IKZF2: variants seen among roughly 807,000 people sequenced by gnomAD.
The protein encoded by IKZF2 is zinc finger protein Helios.
Under a neutral mutation model 49.2 loss-of-function variants are expected in IKZF2, and 15 were observed. The ratio of observed to expected loss-of-function variants is 0.30; its 90% CI spans 0.20 to 0.47. The LOEUF (loss-of-function observed/expected upper bound fraction) is 0.47. Among genes scored for constraint, IKZF2 ranks in the 20% least tolerant of loss-of-function variants. The pLI is 1.00. For missense variants in IKZF2, 567 were observed against 664.6 expected (o/e 0.85, Z 1.61); for synonymous variants, 227 against 221.4 (o/e 1.03, Z -0.23).
At chr2:213,070,060 ATG>A (rs1332224184) in intron 4 of IKZF2, among the ~76,000 whole-genome samples, 2 of 152,076 alleles carry the variant, frequency 1.3e-5, no homozygotes, top group African/African-American at 4.8e-5. Context: ...TTATATTCAA[ATG>A]TCTGGTTTGA....
chr2:213,108,418 G>A (rs552836294), intron 4 of IKZF2, among the ~76,000 whole-genome samples: 2 of 152,112 alleles, frequency 1.3e-5, no homozygotes, highest in African/African-American at 4.8e-5. Context: ...AAAGACAGAG[G>A]GGCCAGCTTC....
chr2:213,081,638 G>A (rs1015840720), intron 4 of IKZF2, among the ~76,000 whole-genome samples: 3 of 152,136 alleles, frequency 2.0e-5, no homozygotes, highest in African/African-American at 4.8e-5. Context: ...CACTTGGTGG[G>A]AAGATATCCC....
intron 8 of IKZF2, among the ~76,000 whole-genome samples, chr2:213,013,529 T>C (rs558978724): frequency 1.1e-3 from 161 of 152,144 alleles, no homozygotes; most frequent in Non-Finnish European, 2.0e-3. Context: ...ATATTTTCTA[T>C]TTTACATGTT....
chr2:213,076,550 C>A (rs1703284686), intron 4 of IKZF2, among the ~76,000 whole-genome samples: 1 of 152,014 alleles, frequency 6.6e-6, no homozygotes, highest in Non-Finnish European at 1.5e-5. Flanking sequence ...CTTTTTAACT[C>A]CAAACGTAAA....
At chr2:213,105,166 T>C (rs1004416586) in intron 4 of IKZF2, among the ~76,000 whole-genome samples, 4 of 152,062 alleles carry the variant, frequency 2.6e-5, no homozygotes, top group African/African-American at 7.2e-5. Flanking sequence ...CCCTGAAATG[T>C]CCAATTTATT....
At chr2:213,045,614 C>A (rs986738498) in intron 6 of IKZF2, among the ~76,000 whole-genome samples, 20 of 152,088 alleles carry the variant, frequency 1.3e-4, no homozygotes, top group African/African-American at 4.6e-4. Flanking sequence ...CCTGAGATGC[C>A]TCAGTAAGAG....
chr2:213,007,452 C>A lies in IKZF2; in HGVS notation c.1489G>T (p.Asp497Tyr). 6.2e-7 allele frequency: 1 copy of A among 1,613,538 alleles called. No individual in the cohort carries two copies. The highest frequency in any genetic ancestry group is 8.5e-7 in the Non-Finnish European group (1 of 1,179,646). ...CCACAGATGTTGCATTCCAGTGGGT[C>A]CCGGTAGCCATGGCAACCCATGTGA... ...TIHMGCHGYR[D>Y]PLECNICGYR... The change falls in exon 9 of 9, where the codon GAC (aspartate) becomes TAC (tyrosine). Residue 497 changes from aspartate (D) to tyrosine (Y), a missense_variant. Asp to Tyr is a radical substitution (Grantham distance 160). Around this residue, in one of 5 missense-constraint regions of IKZF2, gnomAD observed 22 missense variants for 52.3 expected, o/e 0.42. Transcript: ENST00000434687.
At chr2:213,030,006 C>T (rs1323826069) in intron 6 of IKZF2, among the ~76,000 whole-genome samples, 1 of 152,010 alleles carries the variant, frequency 6.6e-6, no homozygotes, top group Non-Finnish European at 1.5e-5. Context: ...CTATTTCATG[C>T]CTTCACCTAT....
Position 213,125,424 on chromosome 2 carries a change from G to A in IKZF2, c.139+22284C>T, listed in dbSNP as rs115064151. Among the ~76,000 whole-genome samples the A allele has an allele frequency of 8.7e-3, 1,322 of 152,172 alleles. 24 individuals are homozygous for A. Among genetic ancestry groups the A allele is most frequent in the African/African-American group, 0.03 (1,257 of 41,528 alleles). On this transcript the variant is annotated intron_variant, in intron 4 of 8. Coordinates refer to ENST00000434687, the MANE Select transcript of IKZF2 (RefSeq NM_001387220.1). ...CATTTGAAATTATGTTTAAAAAACC[G>A]TAATTAAGAAATGTCAAACATACGT...
intron 6 of IKZF2, among the ~76,000 whole-genome samples, chr2:213,033,677 A>C (rs1349213744): frequency 1.4e-5 from 2 of 138,966 alleles, no homozygotes; most frequent in African/African-American, 2.6e-5. Flanking sequence ...CTTATTCACT[A>C]AACCATATTG....
chr2:213,065,800 C>A (rs1204393815), intron 4 of IKZF2, among the ~76,000 whole-genome samples: 1 of 151,796 alleles, frequency 6.6e-6, no homozygotes, highest in East Asian at 1.9e-4. Context: ...CCTATGATGC[C>A]AAAAGCAAAG....
chr2:213,138,563 C>A (rs2060757410), intron 4 of IKZF2, among the ~76,000 whole-genome samples: 1 of 151,946 alleles, frequency 6.6e-6, no homozygotes, highest in Admixed American at 6.6e-5. Context: ...CTTCATTCAA[C>A]AAATATTTAC....
At chr2:213,031,179 A>G (rs1256124039) in intron 6 of IKZF2, among the ~76,000 whole-genome samples, 1 of 152,176 alleles carries the variant, frequency 6.6e-6, no homozygotes, top group Non-Finnish European at 1.5e-5. Context: ...TTGAGCAAAG[A>G]CATCTAGTTC....
intron 6 of IKZF2, among the ~76,000 whole-genome samples, chr2:213,037,396 T>C (rs752996361): frequency 2.0e-5 from 3 of 152,176 alleles, no homozygotes; most frequent in Non-Finnish European, 4.4e-5. Flanking sequence ...AAAGATGTGA[T>C]TGTATATGCT....
chr2:213,069,760 C>T (rs993217373), intron 4 of IKZF2, among the ~76,000 whole-genome samples: 5 of 152,070 alleles, frequency 3.3e-5, no homozygotes, highest in African/African-American at 1.2e-4. Context: ...AGTATAGCAA[C>T]ACCTCCTGGG....
intron 8 of IKZF2, 83 bp downstream of exon 8, chr2:213,013,708 C>CAT (rs1473302712): frequency 1.5e-5 from 19 of 1,240,620 alleles, no homozygotes; most frequent in Non-Finnish European, 2.0e-5. Flanking sequence ...TGAAACACAC[C>CAT]ATATATATTT....
In IKZF2 at chr2:213,005,193, G is replaced by T. The variant is rs1030591850; in HGVS notation, c.*2167C>A. 3.0e-5 allele frequency: 4 copies of T among 135,190 alleles called. No individual in the cohort carries two copies. The highest frequency in any genetic ancestry group is 1.0e-4 in the African/African-American group (4 of 38,148). 8.4% of individuals were successfully genotyped at this position (135,190 alleles called of 1,614,324 possible). ...ATTATTATTTGGGAGTGGTTGGGTGGGGGGGGGTGAGCGAGTCTCAAAAAC... is the reference window on the plus strand; with the variant it reads ...ATTATTATTTGGGAGTGGTTGGGTGTGGGGGGGTGAGCGAGTCTCAAAAAC... On this transcript the variant is annotated 3_prime_UTR_variant, in exon 9 of 9. Transcript: ENST00000434687.
chr2:213,009,611 T>C (rs1286034372), intron 8 of IKZF2, among the ~76,000 whole-genome samples: 2 of 152,124 alleles, frequency 1.3e-5, no homozygotes, highest in Non-Finnish European at 2.9e-5. Context: ...CAACTTAAGA[T>C]ATATGCAATG....
At chr2:213,150,562 C>A (rs2061249490) in intron 1 of IKZF2, among the ~76,000 whole-genome samples, 1 of 151,312 alleles carries the variant, frequency 6.6e-6, no homozygotes, top group African/African-American at 2.4e-5. Flanking sequence ...AATGGCACCA[C>A]GTACTTTCAG....
Sources: allele counts gnomAD v4.1 joint callset (sites outside exome capture counted in the v4.1 genomes callset), GRCh38; gene constraint gnomAD v4.1.1; regional missense constraint gnomAD v4.1.1; transcripts MANE v1.5; gene names NCBI Gene and HGNC (gene_info 2026-07-23, HGNC 2026-07-21).